FBXO42: variants seen among roughly 807,000 people sequenced by gnomAD.
FBXO42 encodes the protein F-box only protein 42.
FBXO42 carries 12 observed loss-of-function variants against 71.7 expected under a neutral mutation model. The ratio of observed to expected loss-of-function variants is 0.17; its 90% CI spans 0.11 to 0.27. The LOEUF (loss-of-function observed/expected upper bound fraction) is 0.27. Among genes scored for constraint, FBXO42 ranks in the 10% least tolerant of loss-of-function variants. The pLI is 1.00. For missense variants in FBXO42, 707 were observed against 911.9 expected, an observed-to-expected ratio of 0.78 and a Z score of 2.89; for synonymous variants, 325 against 327.5, an observed-to-expected ratio of 0.99 and a Z score of 0.08.
chr1:16,346,644 C>T (rs566629311), intron 1 of FBXO42, among the ~76,000 whole-genome samples: 18 of 146,536 alleles, frequency 1.2e-4, no homozygotes, highest in African/African-American at 2.5e-4. Context: ...GCCGAGATTG[C>T]GCCACTGCAC....
At chr1:16,272,936 C>T (rs933568367) in intron 4 of FBXO42, among the ~76,000 whole-genome samples, 7 of 152,140 alleles carry the variant, frequency 4.6e-5, no homozygotes, top group East Asian at 1.9e-4. Flanking sequence ...GTTCTTGTCT[C>T]GATTCTTTTT....
At chr1:16,291,193 G>C (rs764483981) in intron 4 of FBXO42, among the ~76,000 whole-genome samples, 2 of 152,044 alleles carry the variant, frequency 1.3e-5, no homozygotes, top group African/African-American at 4.8e-5. Flanking sequence ...CTACCTCGAT[G>C]CACTAAAATG....
intron 4 of FBXO42, among the ~76,000 whole-genome samples, chr1:16,274,588 G>GTTTTTTTTTT (rs533547281): frequency 1.9e-5 from 1 of 53,504 alleles, no homozygotes; most frequent in Non-Finnish European, 3.2e-5. Context: ...TTATGCCCCC[G>GTTTTTTTTTT]TTTTTTTTTT....
chr1:16,266,590 A>G (rs955201112), intron 4 of FBXO42, among the ~76,000 whole-genome samples: 2 of 151,884 alleles, frequency 1.3e-5, no homozygotes, highest in African/African-American at 4.8e-5. Context: ...GTTAACTAAA[A>G]CCCTACCCCA....
chr1:16,320,971 T>A (rs2082405920), intron 1 of FBXO42, among the ~76,000 whole-genome samples: 1 of 152,170 alleles, frequency 6.6e-6, no homozygotes, highest in Admixed American at 6.6e-5. Context: ...AAGCCTAAGG[T>A]CTGTTGCAGA....
chr1:16,333,360 C>G (rs1457366612), intron 1 of FBXO42, among the ~76,000 whole-genome samples: 1 of 151,626 alleles, frequency 6.6e-6, no homozygotes, highest in Non-Finnish European at 1.5e-5. Flanking sequence ...TGCCTATAAT[C>G]ACAGCAACTC....
chr1:16,273,625 A>C (rs929652162), intron 4 of FBXO42, among the ~76,000 whole-genome samples: 3 of 152,056 alleles, frequency 2.0e-5, no homozygotes, highest in African/African-American at 7.2e-5. Flanking sequence ...TTATGCCTGT[A>C]ATCGTAGCAC....
At chr1:16,303,925 A>G (rs1478620377) in intron 3 of FBXO42, among the ~76,000 whole-genome samples, 1 of 151,306 alleles carries the variant, frequency 6.6e-6, no homozygotes, top group South Asian at 2.1e-4. Context: ...TTTTATATAT[A>G]TATTTTTTTA....
intron 4 of FBXO42, among the ~76,000 whole-genome samples, chr1:16,276,917 T>C (rs1569847356): frequency 6.6e-6 from 1 of 152,194 alleles, no homozygotes; most frequent in Non-Finnish European, 1.5e-5. Context: ...AATAAGAAGG[T>C]TTTATTTTAG....
At chr1:16,278,357 C>CA (rs796617095) in intron 4 of FBXO42, among the ~76,000 whole-genome samples, 2,590 of 135,276 alleles carry the variant, frequency 0.019, 70 homozygotes, top group African/African-American at 0.059. Context: ...AACTCCATCT[C>CA]AAAAAAAAAA....
chr1:16,308,714 T>C (rs2082280491), intron 2 of FBXO42, among the ~76,000 whole-genome samples: 1 of 151,328 alleles, frequency 6.6e-6, no homozygotes, highest in African/African-American at 2.4e-5. Context: ...GTTGACCATG[T>C]TCTCAGGCTG....
intron 4 of FBXO42, among the ~76,000 whole-genome samples, chr1:16,260,331 C>A (rs943896210): frequency 6.6e-6 from 1 of 151,644 alleles, no homozygotes; most frequent in Non-Finnish European, 1.5e-5. Flanking sequence ...GTCTCAGCCT[C>A]CCAAGTAGCT....
chr1:16,344,323 ATT>A (rs143852944), intron 1 of FBXO42, among the ~76,000 whole-genome samples: 40,005 of 137,702 alleles, frequency 0.29, 5,842 homozygotes, highest in Non-Finnish European at 0.35. Flanking sequence ...AATATATATA[ATT>A]TTTTTTTTTT....
intron 1 of FBXO42, among the ~76,000 whole-genome samples, chr1:16,348,251 C>A (rs2082669826): frequency 6.6e-6 from 1 of 152,090 alleles, no homozygotes; most frequent in Non-Finnish European, 1.5e-5. Context: ...AAATTTCACT[C>A]AATCCAAAAA....
Position 16,252,577 on chromosome 1 carries a change from C to T in FBXO42, c.922-173G>A, listed in dbSNP as rs574786185. 8.5e-5 allele frequency among the ~76,000 whole-genome samples: 13 copies of T among 152,330 alleles called. No homozygotes were observed. Among genetic ancestry groups the T allele is most frequent in the African/African-American group, 2.4e-4 (10 of 41,576 alleles). On this transcript the variant is annotated intron_variant, in intron 8 of 9. Transcript: ENST00000375592. This position sits in a 1 kb window ranked among gnomAD's most constrained non-coding sequence, Gnocchi z 4.4. ...TCAGTTGTGCATGCATCCACTTACG[C>T]TTTCATTCATTCATATATTACCACT...
At chr1:16,335,194 G>C (rs1232208223) in intron 1 of FBXO42, among the ~76,000 whole-genome samples, 1 of 152,064 alleles carries the variant, frequency 6.6e-6, no homozygotes, top group Non-Finnish European at 1.5e-5. Flanking sequence ...TCAGGAGTCT[G>C]AGGTGGGAGG....
At chr1:16,299,639 A>T (rs2082169269) in intron 3 of FBXO42, among the ~76,000 whole-genome samples, 1 of 151,880 alleles carries the variant, frequency 6.6e-6, no homozygotes, top group African/African-American at 2.4e-5. Context: ...TAATACGCTT[A>T]ATTATTATTA....
intron 1 of FBXO42, among the ~76,000 whole-genome samples, chr1:16,326,908 C>T (rs1401666940): frequency 2.0e-5 from 3 of 152,064 alleles, no homozygotes; most frequent in Non-Finnish European, 4.4e-5. Flanking sequence ...GCTCTGAAAA[C>T]ATTCAGTTTA....
chr1:16,297,865 TCA>T (rs2082147776), intron 3 of FBXO42, among the ~76,000 whole-genome samples: 1 of 73,154 alleles, frequency 1.4e-5, no homozygotes, highest in Admixed American at 1.6e-4. Context: ...AGACTCCATC[TCA>T]AAAAAAAAAA....
Sources: allele counts gnomAD v4.1 joint callset (sites outside exome capture counted in the v4.1 genomes callset), GRCh38; gene constraint gnomAD v4.1.1; non-coding constraint Gnocchi (gnomAD v3.1); transcripts MANE v1.5; gene names NCBI Gene and HGNC (gene_info 2026-07-23, HGNC 2026-07-21).